DIAPH2: variants seen among roughly 807,000 people sequenced by gnomAD.
The protein encoded by DIAPH2 is diaphanous related formin 2, also known as protein diaphanous homolog 2.
Under a neutral mutation model 92.7 loss-of-function variants are expected in DIAPH2, and 35 were observed. The ratio of observed to expected loss-of-function variants is 0.38; its 90% CI spans 0.29 to 0.50. The LOEUF is 0.50. Ranked by LOEUF, DIAPH2 falls within the 20% of genes least tolerant of loss-of-function variation. DIAPH2 has a pLI of 0.94. For synonymous variants in DIAPH2, 301 were observed against 280.4 expected (o/e 1.07, Z -0.73); for missense variants, 701 against 819.5 (o/e 0.86, Z 1.77).
At chrX:97,177,648 A>C (rs751039069) in intron 22 of DIAPH2, among the ~76,000 whole-genome samples, 12 of 103,903 alleles carry the variant, frequency 1.2e-4, no homozygotes, top group African/African-American at 3.5e-4. Context: ...TTGTAGTTTT[A>C]TTTCAAAATT....
At chrX:97,270,312 C>T (rs1227295780) in intron 23 of DIAPH2, among the ~76,000 whole-genome samples, 1 of 111,131 alleles carries the variant, frequency 9.0e-6, no homozygotes, top group Non-Finnish European at 1.9e-5. Flanking sequence ...GATCCGCCCG[C>T]CTCGGCCTCC....
At chrX:97,458,069 A>G (rs1042855974) in intron 26 of DIAPH2, among the ~76,000 whole-genome samples, 4 of 111,534 alleles carry the variant, frequency 3.6e-5, no homozygotes, top group African/African-American at 1.3e-4. Flanking sequence ...TGCATTCTGT[A>G]TCCTAGTCTT....
At chrX:97,447,471 C>T (rs1228610427) in intron 26 of DIAPH2, among the ~76,000 whole-genome samples, 1 of 111,657 alleles carries the variant, frequency 9.0e-6, no homozygotes, top group Admixed American at 9.6e-5. Context: ...CCTATTGCTT[C>T]TTTGTCAACT....
chrX:96,963,361 C>G (rs919593198), intron 16 of DIAPH2, among the ~76,000 whole-genome samples: 1 of 109,730 alleles, frequency 9.1e-6, no homozygotes, highest in Admixed American at 9.7e-5. Context: ...ATCATTCATC[C>G]CCAGGGCAGG....
chrX:97,184,065 A>G (rs1156414587), intron 22 of DIAPH2, among the ~76,000 whole-genome samples: 3 of 112,430 alleles, frequency 2.7e-5, no homozygotes, highest in African/African-American at 9.7e-5. Context: ...TGAGATGATT[A>G]TTATGAAATA....
At chrX:97,185,339 A>G (rs759918896) in intron 22 of DIAPH2, among the ~76,000 whole-genome samples, 98 of 8,101 alleles carry the variant, frequency 0.012, 13 homozygotes, top group South Asian at 0.026. Flanking sequence ...ATATATATAT[A>G]TGTATATATA....
chrX:97,558,859 C>G (rs2071274358), intron 26 of DIAPH2, among the ~76,000 whole-genome samples: 2 of 111,729 alleles, frequency 1.8e-5, no homozygotes, highest in South Asian at 7.6e-4. Flanking sequence ...GACTCAGTAT[C>G]AAAATTATAT....
intron 23 of DIAPH2, among the ~76,000 whole-genome samples, chrX:97,310,749 C>T (rs778126981): frequency 9.0e-6 from 1 of 111,703 alleles, no homozygotes; most frequent in Admixed American, 9.5e-5. Context: ...TGGCTCGCGA[C>T]TGTAATCTCA....
chrX:96,703,984 A>C (rs2063869523), intron 1 of DIAPH2, among the ~76,000 whole-genome samples: 1 of 111,052 alleles, frequency 9.0e-6, no homozygotes, highest in African/African-American at 3.3e-5. Context: ...GCTGGAATGC[A>C]ATGTTGTGAT....
chrX:96,881,902 C>G (rs952026507), intron 5 of DIAPH2, among the ~76,000 whole-genome samples, 184 bp downstream of exon 5: 6 of 111,431 alleles, frequency 5.4e-5, no homozygotes, highest in African/African-American at 2.0e-4. Flanking sequence ...TTAGTTGGAT[C>G]TCTAGTAATG....
intron 5 of DIAPH2, among the ~76,000 whole-genome samples, chrX:96,893,808 C>G (rs1429551358): frequency 1.8e-5 from 2 of 111,816 alleles, no homozygotes; most frequent in African/African-American, 6.5e-5. Context: ...CAGCTGGCAC[C>G]TGGAGTGCAA....
chrX:97,201,407 G>GCTAA (rs78167213), intron 22 of DIAPH2, among the ~76,000 whole-genome samples: 31,625 of 107,081 alleles, frequency 0.3, 4,353 homozygotes, highest in East Asian at 0.63. Flanking sequence ...ATGCAAGGAA[G>GCTAA]CTAAGAACCT....
At chrX:96,940,733 G>A (rs1050070557) in intron 12 of DIAPH2, among the ~76,000 whole-genome samples, 4 of 111,812 alleles carry the variant, frequency 3.6e-5, no homozygotes, top group African/African-American at 6.5e-5. Context: ...CTGGTTATAC[G>A]TTAAAAATTA....
chrX:97,175,961 T>C lies in DIAPH2; in HGVS notation c.2719+34167T>C, dbSNP rs377713701. ...ATCATTTATCTACTTTATAGAACAA[T>C]TGGTAGAGTTATCCTTCACAGGTAT... On this transcript the variant is annotated intron_variant, in intron 22 of 26. Coordinates refer to ENST00000324765, the MANE Select transcript of DIAPH2 (RefSeq NM_006729.5). 2.7e-5 allele frequency among the ~76,000 whole-genome samples: 3 copies of C among 112,388 alleles called. No individual in the cohort carries two copies. In the East Asian group the frequency reaches 8.4e-4, roughly 31 times the overall value.
rs924636214 is a variant in DIAPH2, at chrX:97,322,177, A to T, written c.2845-25939A>T. Among the ~76,000 whole-genome samples the T allele has an allele frequency of 1.8e-4, 20 of 112,408 alleles. No homozygotes were observed. In the South Asian group the frequency reaches 2.6e-3, roughly 15 times the overall value. On this transcript the variant is annotated intron_variant, in intron 23 of 26. Coordinates refer to ENST00000324765, the MANE Select transcript of DIAPH2 (RefSeq NM_006729.5). ...ATTGTTTATAATTCACACTTTGCAG[A>T]CCCCTTTGAAGACAATAAAGGCATA...
intron 21 of DIAPH2, among the ~76,000 whole-genome samples, chrX:97,118,681 A>C (rs758455034): frequency 8.9e-6 from 1 of 112,166 alleles, no homozygotes. Context: ...CAATGAGGGC[A>C]AAAATAAATG....
chrX:96,756,791 CT>C (rs1056633800), intron 3 of DIAPH2, among the ~76,000 whole-genome samples: 1 of 110,185 alleles, frequency 9.1e-6, no homozygotes, highest in African/African-American at 3.3e-5. Context: ...TTATTTTCCT[CT>C]TTTTTTCTAG....
intron 26 of DIAPH2, among the ~76,000 whole-genome samples, chrX:97,539,456 G>T (rs1288505820): frequency 8.9e-6 from 1 of 111,813 alleles, no homozygotes; most frequent in Non-Finnish European, 1.9e-5. Context: ...GAAATTGAAG[G>T]TTCAAAATTG....
intron 4 of DIAPH2, among the ~76,000 whole-genome samples, chrX:96,850,780 GCAA>G (rs201460921): frequency 0.055 from 6,096 of 111,741 alleles, 178 homozygotes; most frequent in Middle Eastern, 0.14. Flanking sequence ...TCTAATCATA[GCAA>G]TTGCTTCATT....
Sources: gnomAD v4.1 joint callset for allele counts (sites outside exome capture counted in the v4.1 genomes callset) on GRCh38, gnomAD v4.1.1 for gene constraint, MANE v1.5 for transcripts, NCBI Gene and HGNC (gene_info 2026-07-23, HGNC 2026-07-21) for gene names.